The following BCAS3 variants were observed in gnomAD, a reference collection of about 807,000 sequenced individuals.
BCAS3 encodes BCAS3 microtubule associated cell migration factor.
BCAS3 carries 53 observed loss-of-function variants against 116.1 expected under a neutral mutation model. The observed-to-expected ratio is 0.46, with a 90% CI of 0.37 to 0.57. The LOEUF is 0.57. Ranked by LOEUF, BCAS3 falls within the 20% of genes least tolerant of loss-of-function variation. BCAS3 has a pLI of 0.00. For synonymous variants in BCAS3, 391 were observed against 408.2 expected (o/e 0.96, Z 0.51); for missense variants, 917 against 1,165.4 (o/e 0.79, Z 3.10).
chr17:61,275,059 C>A (rs564075077), intron 22 of BCAS3, among the ~76,000 whole-genome samples: 5 of 152,156 alleles, frequency 3.3e-5, no homozygotes, highest in African/African-American at 1.2e-4. Flanking sequence ...AGCATGTCGC[C>A]CAGGCTAGTC....
intron 22 of BCAS3, among the ~76,000 whole-genome samples, chr17:61,169,327 C>G (rs1208412634): frequency 1.3e-5 from 2 of 152,140 alleles, no homozygotes; most frequent in Admixed American, 1.3e-4. Context: ...ATGAAGGTAA[C>G]ATTTTATGTG....
intron 13 of BCAS3, among the ~76,000 whole-genome samples, chr17:60,945,142 T>A (rs774480646): frequency 6.6e-6 from 1 of 152,174 alleles, no homozygotes; most frequent in Non-Finnish European, 1.5e-5. Flanking sequence ...TTTATCTCTA[T>A]GCACTAGCAA....
At chr17:60,784,297 ATTTTTTTTT>A (rs777660468) in intron 6 of BCAS3, among the ~76,000 whole-genome samples, 2 of 114,836 alleles carry the variant, frequency 1.7e-5, no homozygotes, top group Admixed American at 9.5e-5. Context: ...AATGAAACAA[ATTTTTTTTT>A]TTTTTTTTTT....
chr17:60,772,737 G>A (rs988140000), intron 6 of BCAS3, among the ~76,000 whole-genome samples: 3 of 152,148 alleles, frequency 2.0e-5, no homozygotes, highest in Non-Finnish European at 2.9e-5. Flanking sequence ...AAAATTAACT[G>A]GGTGTGGTGG....
At chr17:60,890,169 C>G (rs1295549940) in intron 10 of BCAS3, among the ~76,000 whole-genome samples, 2 of 152,158 alleles carry the variant, frequency 1.3e-5, no homozygotes, top group Non-Finnish European at 2.9e-5. Context: ...ATTTAATTGA[C>G]AAGGCTAGGC....
intron 15 of BCAS3, among the ~76,000 whole-genome samples, chr17:60,997,857 T>A (rs192016321): frequency 5.3e-4 from 81 of 152,340 alleles, no homozygotes; most frequent in African/African-American, 1.9e-3. Flanking sequence ...TATTGGTTTT[T>A]AAATTTTAGA....
At chr17:60,785,886 C>G (rs1381209841) in intron 6 of BCAS3, among the ~76,000 whole-genome samples, 1 of 152,144 alleles carries the variant, frequency 6.6e-6, no homozygotes, top group South Asian at 2.1e-4. Context: ...CAGACTTTCC[C>G]CCTTTTCATT....
At chr17:60,869,525 C>T (rs968378356) in intron 8 of BCAS3, among the ~76,000 whole-genome samples, 1 of 151,948 alleles carries the variant, frequency 6.6e-6, no homozygotes, top group Admixed American at 6.6e-5. Flanking sequence ...TGAAACGTGA[C>T]TCAGTAAGGT....
chr17:60,813,858 G>T (rs1216889825), intron 7 of BCAS3, among the ~76,000 whole-genome samples: 1 of 152,062 alleles, frequency 6.6e-6, no homozygotes. Flanking sequence ...CTTTATTTCT[G>T]GGTTCTCTTT....
chr17:60,684,001 AG>A lies in BCAS3; in HGVS notation c.104del (p.Ser35MetfsTer3). 1 of 1,613,964 alleles carries A rather than the reference AG, an allele frequency of 6.2e-7. No individual in the cohort carries two copies. Among genetic ancestry groups the A allele is most frequent in the African/African-American group, 1.3e-5 (1 of 75,028 alleles). Reference protein sequence around the residue: ...QAVTEQSYMESVVTFLQDVVP... With the variant: ...QAVTEQSYMEXVVTFLQDVVP... ...TTCCAGAGAGCAGTCCTACATGGAA[AG>A]TGTTGTGACTTTTCTGCAGGATGTT... On this transcript the variant is annotated frameshift_variant, in exon 3 of 24. Transcript: ENST00000407086. LOFTEE classifies it high-confidence loss of function.
intron 6 of BCAS3, among the ~76,000 whole-genome samples, chr17:60,779,663 C>T (rs1293069279): frequency 1.3e-5 from 2 of 152,166 alleles, no homozygotes; most frequent in African/African-American, 4.8e-5. Flanking sequence ...GCCATCGCGC[C>T]CGGCAGAATT....
intron 22 of BCAS3, among the ~76,000 whole-genome samples, chr17:61,209,250 A>G (rs1284104924): frequency 6.6e-6 from 1 of 151,978 alleles, no homozygotes; most frequent in African/African-American, 2.4e-5. Context: ...ACTGTGGAGT[A>G]GGAATGACTC....
At chr17:60,718,560 G>C (rs1461842771) in intron 5 of BCAS3, among the ~76,000 whole-genome samples, 1 of 152,072 alleles carries the variant, frequency 6.6e-6, no homozygotes, top group Non-Finnish European at 1.5e-5. Context: ...TCAGCCTCCT[G>C]AGTAGTTGGG....
intron 22 of BCAS3, among the ~76,000 whole-genome samples, chr17:61,360,153 G>A (rs922449594): frequency 2.0e-5 from 3 of 151,834 alleles, no homozygotes; most frequent in Non-Finnish European, 4.4e-5. Context: ...ACAGATGCAC[G>A]CCACCACACC....
chr17:60,941,592 C>T (rs2060227906), intron 13 of BCAS3, among the ~76,000 whole-genome samples: 1 of 152,014 alleles, frequency 6.6e-6, no homozygotes, highest in Non-Finnish European at 1.5e-5. Flanking sequence ...AGTAAACTTA[C>T]TGGTGGATTG....
intron 7 of BCAS3, chr17:60,810,250 G>C (rs1288019291): frequency 2.3e-6 from 1 of 439,388 alleles, no homozygotes; most frequent in Admixed American, 2.8e-5. Flanking sequence ...CACCCAGCCA[G>C]TCAGCAGTGT....
Position 61,020,432 on chromosome 17 carries a change from A to C in BCAS3, c.1637+4531A>C, listed in dbSNP as rs1329139042. ...CCTGTTTTGGCAACAGCTGCTGCTT[A>C]ACTCTGTGACAGTATACATTGATGG... is the stretch of plus-strand genomic sequence containing the variant. On this transcript the variant is annotated intron_variant, in intron 16 of 23. Coordinates refer to ENST00000407086, the MANE Select transcript of BCAS3 (RefSeq NM_017679.5). This position sits in a 1 kb window ranked among gnomAD's most constrained non-coding sequence, Gnocchi z 4.5. Among the ~76,000 whole-genome samples, 1 of 152,212 alleles carries C rather than the reference A, an allele frequency of 6.6e-6. No individual in the cohort carries two copies. The highest frequency in any genetic ancestry group is 1.5e-5 in the Non-Finnish European group (1 of 68,032).
intron 6 of BCAS3, among the ~76,000 whole-genome samples, chr17:60,749,405 G>C (rs1166499919): frequency 6.6e-6 from 1 of 152,084 alleles, no homozygotes; most frequent in Non-Finnish European, 1.5e-5. Flanking sequence ...CCAATGTTCT[G>C]AGACTTTGCA....
At chr17:60,843,169 G>A (rs1008489554) in intron 7 of BCAS3, among the ~76,000 whole-genome samples, 1 of 149,772 alleles carries the variant, frequency 6.7e-6, no homozygotes, top group East Asian at 1.9e-4. Context: ...AAACTTATAC[G>A]TGCCCTTTTC....
Sources: gnomAD v4.1 joint callset for allele counts (sites outside exome capture counted in the v4.1 genomes callset) on GRCh38, gnomAD v4.1.1 for gene constraint, Gnocchi (gnomAD v3.1) non-coding constraint, MANE v1.5 for transcripts, NCBI Gene and HGNC (gene_info 2026-07-23, HGNC 2026-07-21) for gene names.